SS18L2: variants seen among roughly 807,000 people sequenced by gnomAD.
SS18L2 encodes the protein SS18 like 2, also known as SS18-like protein 2.
A neutral mutation model predicts 10.3 loss-of-function variants in SS18L2; 8 were observed. The ratio of observed to expected loss-of-function variants is 0.78; its 90% CI spans 0.46 to 1.41. The LOEUF (loss-of-function observed/expected upper bound fraction) is 1.41. Among genes scored for constraint, SS18L2 ranks in the 40% most tolerant of loss-of-function variants. The probability of loss-of-function intolerance (pLI) is 0.00; values close to 1 mark genes in which losing one functional copy is unlikely to be tolerated. For missense variants in SS18L2, 100 were observed against 96.2 expected (o/e 1.04, Z -0.17); for synonymous variants, 41 against 34.6 (o/e 1.19, Z -0.65).
intron 1 of SS18L2, among the ~76,000 whole-genome samples, chr3:42,585,569 C>G (rs544944174): frequency 6.6e-6 from 1 of 152,288 alleles, no homozygotes; most frequent in South Asian, 2.1e-4. Context: ...TAAGCTCCAT[C>G]GAGTCTTCAT....
In SS18L2 at chr3:42,596,501, A is replaced by C. The variant is rs1705034951; in HGVS notation, c.*1992A>C. ...CAGTGGTTCTTCTTCATGATAAATC[A>C]TGGACAAATTAAGCCTGAGTTTGTA... On this transcript the variant is annotated 3_prime_UTR_variant, in exon 3 of 3. Transcript: ENST00000011691. 6.6e-6 allele frequency among the ~76,000 whole-genome samples: 1 copy of C among 152,188 alleles called. No homozygotes were observed. Among genetic ancestry groups the C allele is most frequent in the Admixed American group, 6.5e-5 (1 of 15,282 alleles).
chr3:42,593,483 C>T (rs1704928370), intron 2 of SS18L2, among the ~76,000 whole-genome samples: 1 of 152,018 alleles, frequency 6.6e-6, no homozygotes, highest in Non-Finnish European at 1.5e-5. Flanking sequence ...AATACTATGC[C>T]ATTTTTTATA....
chr3:42,584,729 T>C (rs1704554927), intron 1 of SS18L2, among the ~76,000 whole-genome samples: 1 of 152,168 alleles, frequency 6.6e-6, no homozygotes, highest in Admixed American at 6.5e-5. Context: ...CCTCCCACAA[T>C]GAGTCTCTGA....
At chr3:42,583,940 T>C (rs983046950) in intron 1 of SS18L2, among the ~76,000 whole-genome samples, 1 of 152,230 alleles carries the variant, frequency 6.6e-6, no homozygotes, top group Non-Finnish European at 1.5e-5. Context: ...GCTTGGGCCT[T>C]GGACTGGGAG....
intron 1 of SS18L2, 112 bp downstream of exon 1, chr3:42,591,078 T>A: frequency 8.1e-7 from 1 of 1,236,398 alleles, no homozygotes; most frequent in Non-Finnish European, 1.1e-6. Flanking sequence ...CTGTGAAGGG[T>A]GCTGAGCAGC....
chr3:42,584,370 T>G (rs570927830), intron 1 of SS18L2, among the ~76,000 whole-genome samples: 295 of 152,288 alleles, frequency 1.9e-3, no homozygotes, highest in African/African-American at 6.9e-3. Flanking sequence ...TTCTTCTGCC[T>G]CAGCCTCCCA....
At position 42,594,490 on chromosome 3, in the gene SS18L2, CTTCAAAAGCAATGGAATAATCT is replaced by C. The variant is rs779679744; in HGVS notation, c.228_*15del. ...ATTGCAGATGCCAGTCCAACCAGCA[CTTCAAAAGCAATGGAATAATCT>C]TTCAAAAGCAATAGAATAATCTTCC... On this transcript the variant is annotated stop_retained_variant and 3_prime_UTR_variant, in exon 3 of 3. Coordinates refer to ENST00000011691, the MANE Select transcript of SS18L2 (RefSeq NM_001370300.1). 3.1e-6 allele frequency: 5 copies of C among 1,613,752 alleles called. No homozygotes were observed. The highest frequency in any genetic ancestry group is 2.2e-5 in the South Asian group (2 of 91,060).
chr3:42,591,544 A>G lies in SS18L2; in HGVS notation c.89A>G (p.Gln30Arg), dbSNP rs1704843228. The change falls in exon 2 of 3, where the codon CAG becomes CGG. Residue 30 changes from glutamine (Q) to arginine (R), a missense_variant. Transcript: ENST00000011691. Reference sequence around the variant, plus strand: ...TTTCAGCTCCTTGAGGAGAATGACCAGCTGATCCGCTGTATTGTGGAGTAT... The same window carrying G: ...TTTCAGCTCCTTGAGGAGAATGACCGGCTGATCCGCTGTATTGTGGAGTAT... The part of the protein sequence containing the change: ...TIQRLLEEND[Q>R]LIRCIVEYQN... 9 of 1,613,894 alleles carry G rather than the reference A, an allele frequency of 5.6e-6. No homozygotes were observed. Among genetic ancestry groups the G allele is most frequent in the Non-Finnish European group, 7.6e-6 (9 of 1,179,814 alleles).
upstream of SS18L2, chr3:42,590,723 C>A: frequency 1.4e-6 from 1 of 706,588 alleles, no homozygotes. Flanking sequence ...CCCCGGCGTT[C>A]TGGGGGCTGG....
intron 2 of SS18L2, 152 bp from the exon 3 acceptor site, chr3:42,594,270 T>G: frequency 1.6e-6 from 1 of 623,076 alleles, no homozygotes; most frequent in South Asian, 2.1e-5. Context: ...GACTATATTT[T>G]CCTTAAATAT....
chr3:42,592,381 G>A (rs1454614565), intron 2 of SS18L2, among the ~76,000 whole-genome samples: 1 of 151,990 alleles, frequency 6.6e-6, no homozygotes, highest in Non-Finnish European at 1.5e-5. Context: ...TATATTTGTA[G>A]TAGAGACAGG....
At chr3:42,591,179 C>T (rs1381271545) in intron 1 of SS18L2, 13 of 608,532 alleles carry the variant, frequency 2.1e-5, no homozygotes. Flanking sequence ...CCAGACGTCA[C>T]ACTGCACTAA....
chr3:42,583,291 C>T lies in SS18L2; in HGVS notation c.-90+1333C>T, dbSNP rs190310643. Among the ~76,000 whole-genome samples the T allele has an allele frequency of 8.2e-4, 125 of 152,174 alleles. 1 individual carries two copies. The highest frequency in any genetic ancestry group is 2.9e-3 in the African/African-American group (119 of 41,498). ...AGAGAGAATGGAGCTGGAGTGTGGACTAGGGTGAGAGTGAAGAAAAAGAGA... is the reference window on the plus strand; with the variant it reads ...AGAGAGAATGGAGCTGGAGTGTGGATTAGGGTGAGAGTGAAGAAAAAGAGA... On this transcript the variant is annotated intron_variant, in intron 1 of 3. Coordinates refer to the SS18L2 transcript ENST00000447630.
intron 2 of SS18L2, 43 bp downstream of exon 2, chr3:42,591,644 G>T (rs780804985): frequency 1.5e-6 from 2 of 1,353,018 alleles, no homozygotes; most frequent in South Asian, 2.3e-5. Context: ...TGGGTAGAGG[G>T]GAAGCCTGTG....
Position 42,594,747 on chromosome 3 carries a change from T to G in SS18L2, c.*238T>G. On this transcript the variant is annotated 3_prime_UTR_variant, in exon 3 of 3. Transcript: ENST00000011691. ...AATCCCTCAATAAGTTGAGCCCAGG[T>G]GTCCTCTTTCCTGAACTTGGAGCAT... is the stretch of plus-strand genomic sequence containing the variant. 1 of 350,202 alleles carries G rather than the reference T, an allele frequency of 2.9e-6. No individual in the cohort carries two copies. The highest frequency in any genetic ancestry group is 4.8e-5 in the South Asian group (1 of 20,782). The allele number at this position is 350,202 out of a possible 1,614,324, so 21.7% of individuals were successfully genotyped here.
intron 1 of SS18L2, among the ~76,000 whole-genome samples, chr3:42,585,325 T>C (rs1376190108): frequency 6.6e-6 from 1 of 152,196 alleles, no homozygotes; most frequent in Non-Finnish European, 1.5e-5. Context: ...CTCCAATCAT[T>C]GTTCACTTTG....
At chr3:42,584,226 A>G (rs974124189) in intron 1 of SS18L2, among the ~76,000 whole-genome samples, 1 of 152,222 alleles carries the variant, frequency 6.6e-6, no homozygotes, top group Admixed American at 6.5e-5. Flanking sequence ...GTGCATATAC[A>G]GGTTGCAGGT....
At chr3:42,583,937 C>T (rs1211272194) in intron 1 of SS18L2, among the ~76,000 whole-genome samples, 1 of 152,188 alleles carries the variant, frequency 6.6e-6, no homozygotes, top group East Asian at 1.9e-4. Context: ...CCGGCTTGGG[C>T]CTTGGACTGG....
chr3:42,589,657 T>C (rs139373686), upstream of SS18L2, among the ~76,000 whole-genome samples: 78 of 152,298 alleles, frequency 5.1e-4, 2 homozygotes, highest in East Asian at 0.015. Flanking sequence ...TGAACCCTAT[T>C]GTGAACTGGA....
Sources: gnomAD v4.1 joint callset for allele counts (sites outside exome capture counted in the v4.1 genomes callset) on GRCh38, gnomAD v4.1.1 for gene constraint, MANE v1.5 for transcripts, NCBI Gene and HGNC (gene_info 2026-07-23, HGNC 2026-07-21) for gene names.